The following MYO1D variants were observed in gnomAD, a reference collection of about 807,000 sequenced individuals.
MYO1D encodes myosin ID.
Under a neutral mutation model 122.0 loss-of-function variants are expected in MYO1D, and 83 were observed. The ratio of observed to expected loss-of-function variants is 0.68; its 90% CI spans 0.57 to 0.82. MYO1D has a LOEUF of 0.82. Ranked by LOEUF, MYO1D falls within the 40% of genes least tolerant of loss-of-function variation. The pLI is 0.00. For missense variants in MYO1D, 1,157 were observed against 1,269.5 expected (o/e 0.91, Z 1.35); for synonymous variants, 464 against 446.9 (o/e 1.04, Z -0.48).
chr17:32,643,059 T>C (rs111804601), intron 19 of MYO1D, among the ~76,000 whole-genome samples: 14 of 152,332 alleles, frequency 9.2e-5, no homozygotes, highest in African/African-American at 2.9e-4. Context: ...GGCTGTGGTT[T>C]TGTCATAAAT....
At chr17:32,744,168 C>T (rs982908137) in intron 13 of MYO1D, among the ~76,000 whole-genome samples, 1 of 152,160 alleles carries the variant, frequency 6.6e-6, no homozygotes, top group Non-Finnish European at 1.5e-5. Flanking sequence ...CCACAATGGC[C>T]TTGCTGTCAA....
chr17:32,559,331 A>G (rs1274432272), intron 21 of MYO1D, among the ~76,000 whole-genome samples: 1 of 152,216 alleles, frequency 6.6e-6, no homozygotes, highest in African/African-American at 2.4e-5. Context: ...TTAAGTTTGG[A>G]CTAAAGGTTT....
rs368246851 is a variant in MYO1D at position 32,612,428 on chromosome 17, T to C, written c.2710-7187A>G. 6.0e-4 allele frequency among the ~76,000 whole-genome samples: 92 copies of C among 152,118 alleles called. 1 individual carries two copies. Among genetic ancestry groups the C allele is most frequent in the African/African-American group, 2.0e-3 (83 of 41,510 alleles). ...GAGGCCAAGAGCAGTTGCTCAAGCC[T>C]CTAATCCCAGCACTTTGGGAGACTG... is the stretch of plus-strand genomic sequence containing the variant. On this transcript the variant is annotated intron_variant, in intron 20 of 21. Coordinates refer to ENST00000318217, the MANE Select transcript of MYO1D (RefSeq NM_015194.3).
chr17:32,830,816 T>C (rs1383353145), intron 1 of MYO1D, among the ~76,000 whole-genome samples: 2 of 152,146 alleles, frequency 1.3e-5, no homozygotes, highest in African/African-American at 2.4e-5. Context: ...TCCCAGCACT[T>C]TGGGAGATCG....
chr17:32,503,504 T>C (rs1909391332), intron 21 of MYO1D, among the ~76,000 whole-genome samples: 1 of 152,220 alleles, frequency 6.6e-6, no homozygotes, highest in Non-Finnish European at 1.5e-5. Flanking sequence ...GGAAGTGGGG[T>C]GCAGTGCAGT....
intron 1 of MYO1D, among the ~76,000 whole-genome samples, chr17:32,858,715 T>C (rs2091046855): frequency 6.6e-6 from 1 of 152,204 alleles, no homozygotes. Flanking sequence ...CAATAATCTT[T>C]TTTTCTTTGG....
intron 6 of MYO1D, among the ~76,000 whole-genome samples, chr17:32,770,214 T>C (rs2090099457): frequency 6.6e-6 from 1 of 152,180 alleles, no homozygotes; most frequent in Non-Finnish European, 1.5e-5. Flanking sequence ...GCTAAACCAA[T>C]AATGCAGGTA....
At chr17:32,592,910 C>T (rs78650234) in intron 21 of MYO1D, among the ~76,000 whole-genome samples, 24,848 of 152,100 alleles carry the variant, frequency 0.16, 2,143 homozygotes, top group Middle Eastern at 0.25. Flanking sequence ...TGCCCAGTAC[C>T]GTATCACTTC....
At chr17:32,769,959 C>T (rs999123584) in intron 6 of MYO1D, among the ~76,000 whole-genome samples, 3 of 152,188 alleles carry the variant, frequency 2.0e-5, no homozygotes, top group Non-Finnish European at 4.4e-5. Context: ...TGAAAACAAA[C>T]ATTCCCAGTC....
intron 21 of MYO1D, among the ~76,000 whole-genome samples, chr17:32,552,068 T>C (rs140687887): frequency 1.3e-3 from 202 of 152,362 alleles, no homozygotes; most frequent in African/African-American, 4.5e-3. Flanking sequence ...GCTTTACTTA[T>C]GCACTGTTTT....
chr17:32,782,305 A>C (rs909241522), intron 1 of MYO1D, among the ~76,000 whole-genome samples: 1 of 152,136 alleles, frequency 6.6e-6, no homozygotes, highest in African/African-American at 2.4e-5. Context: ...GTATCCTCTC[A>C]GTTGTTAGGA....
intron 16 of MYO1D, among the ~76,000 whole-genome samples, chr17:32,686,964 A>AACACACACACACACAC (rs57125657): frequency 6.2e-5 from 9 of 145,526 alleles, no homozygotes; most frequent in African/African-American, 2.3e-4. Flanking sequence ...CCTGTTTCAA[A>AACACACACACACACAC]ACACACACAC....
At chr17:32,596,408 C>T (rs2087493349) in intron 21 of MYO1D, among the ~76,000 whole-genome samples, 1 of 152,124 alleles carries the variant, frequency 6.6e-6, no homozygotes, top group African/African-American at 2.4e-5. Flanking sequence ...GGGAGGTGGC[C>T]CCATCCTCTG....
At chr17:32,617,626 A>G (rs1441554970) in intron 20 of MYO1D, among the ~76,000 whole-genome samples, 2 of 151,990 alleles carry the variant, frequency 1.3e-5, no homozygotes, top group African/African-American at 4.8e-5. Context: ...TTTTTAGTAG[A>G]TATGGGGTTT....
chr17:32,565,049 G>T (rs1401776224), intron 21 of MYO1D, among the ~76,000 whole-genome samples: 1 of 152,172 alleles, frequency 6.6e-6, no homozygotes, highest in African/African-American at 2.4e-5. Flanking sequence ...TGTCACCCAG[G>T]CTGGAGTGTA....
chr17:32,635,634 A>G (rs972166679), intron 20 of MYO1D, among the ~76,000 whole-genome samples: 1 of 152,088 alleles, frequency 6.6e-6, no homozygotes, highest in African/African-American at 2.4e-5. Flanking sequence ...CGGAGGTTGC[A>G]GTGAGCCGAG....
At chr17:32,758,056 T>C (rs1260347662) in intron 10 of MYO1D, among the ~76,000 whole-genome samples, 1 of 152,100 alleles carries the variant, frequency 6.6e-6, no homozygotes, top group Admixed American at 6.6e-5. Flanking sequence ...ACACAGTCTA[T>C]GAAATGGGCT....
rs368738039 is a variant in MYO1D, at chr17:32,696,163, C to A, written c.2121+15825G>T. ...TAGAATTCTCAAAATTTGAGAATGG[C>A]AGCCCCACAGAGACCTATTCACTTG... On this transcript the variant is annotated intron_variant, in intron 16 of 21. Transcript: ENST00000318217. 3.3e-5 allele frequency among the ~76,000 whole-genome samples: 5 copies of A among 152,132 alleles called. No homozygotes were observed. The South Asian group carries it at 1.0e-3, about 32-fold the overall frequency.
chr17:32,766,205 T>A (rs980528387), intron 7 of MYO1D, among the ~76,000 whole-genome samples: 1 of 152,172 alleles, frequency 6.6e-6, no homozygotes, highest in Non-Finnish European at 1.5e-5. Flanking sequence ...ACCTTTTTAA[T>A]ATGTTAAATC....
Sources: allele counts gnomAD v4.1 joint callset (sites outside exome capture counted in the v4.1 genomes callset), GRCh38; gene constraint gnomAD v4.1.1; transcripts MANE v1.5; gene names NCBI Gene and HGNC (gene_info 2026-07-23, HGNC 2026-07-21).